PTPN1: variants seen among roughly 807,000 people sequenced by gnomAD.
The protein encoded by PTPN1 is tyrosine-protein phosphatase non-receptor type 1.
In PTPN1, 12 loss-of-function variants were observed where a neutral mutation model predicts 59.9. The observed-to-expected ratio is 0.20, with a 90% CI of 0.13 to 0.32. The LOEUF is 0.32. PTPN1 is among the 10% of genes least tolerant of loss of function. The pLI is 1.00. For synonymous variants in PTPN1, 178 were observed against 203.6 expected (o/e 0.87, Z 1.07); for missense variants, 356 against 549.2 (o/e 0.65, Z 3.52).
At chr20:50,574,425 TATC>T (rs2082826041) in intron 4 of PTPN1, 89 bp from the exon 5 acceptor site, 2 of 1,309,180 alleles carry the variant, frequency 1.5e-6, no homozygotes, top group Non-Finnish European at 2.1e-6. Context: ...GCCTTTGAGT[TATC>T]ATGAAGCTTG....
At chr20:50,570,362 T>C (rs1003340380) in intron 4 of PTPN1, among the ~76,000 whole-genome samples, 3 of 152,192 alleles carry the variant, frequency 2.0e-5, no homozygotes, top group Non-Finnish European at 1.5e-5. Flanking sequence ...TTTTAAAAAA[T>C]GAAAGTGTTT....
At chr20:50,581,934 A>G (rs956368090) in intron 9 of PTPN1, among the ~76,000 whole-genome samples, 9 of 152,206 alleles carry the variant, frequency 5.9e-5, no homozygotes, top group African/African-American at 2.2e-4. Context: ...TTGATTTCCC[A>G]GGGAAGGAAT....
At chr20:50,523,338 G>A (rs887611871) in intron 1 of PTPN1, among the ~76,000 whole-genome samples, 18 of 152,064 alleles carry the variant, frequency 1.2e-4, no homozygotes, top group Non-Finnish European at 2.5e-4. Flanking sequence ...TAGAACATTC[G>A]GAGAATGCTC....
At chr20:50,537,907 T>C (rs977792549) in intron 1 of PTPN1, among the ~76,000 whole-genome samples, 1 of 152,180 alleles carries the variant, frequency 6.6e-6, no homozygotes, top group Non-Finnish European at 1.5e-5. Flanking sequence ...AAATGGCCCG[T>C]AATTTAAGCA....
At chr20:50,564,937 G>A in intron 2 of PTPN1, 32 bp from the exon 3 acceptor site, 1 of 1,611,982 alleles carries the variant, frequency 6.2e-7, no homozygotes, top group Middle Eastern at 1.7e-4. Flanking sequence ...GCTTTTCCGG[G>A]ATTAACCTCT....
chr20:50,541,462 C>T (rs2082651917), intron 1 of PTPN1, among the ~76,000 whole-genome samples: 2 of 152,126 alleles, frequency 1.3e-5, no homozygotes, highest in South Asian at 2.1e-4. Context: ...TTGAGATGTA[C>T]GGGACAGCTC....
intron 4 of PTPN1, chr20:50,572,168 G>A (rs1329552076): frequency 6.6e-6 from 1 of 152,224 alleles, no homozygotes; most frequent in African/African-American, 2.4e-5. Context: ...AACTATGAGA[G>A]ATGCTAGCAT....
In PTPN1 at chr20:50,510,384, T is replaced by G. The variant is rs913710692; in HGVS notation, c.-144T>G. The G allele has an allele frequency of 7.7e-5, 65 of 839,588 alleles. No homozygotes were observed. The highest frequency in any genetic ancestry group is 1.4e-4 in the African/African-American group (8 of 56,222). 52.0% of individuals were successfully genotyped at this position (839,588 alleles called of 1,614,324 possible). On this transcript the variant is annotated 5_prime_UTR_variant, in exon 1 of 10. It removes an upstream start codon present in the reference 5' UTR. Coordinates refer to ENST00000371621, the MANE Select transcript of PTPN1 (RefSeq NM_002827.4). ...GCGTAGTTCCGGCTGCCGGTTGACA[T>G]GAAGAAGCAGCAGCGGCTAGGGCGG... is the stretch of plus-strand genomic sequence containing the variant.
intron 1 of PTPN1, among the ~76,000 whole-genome samples, chr20:50,544,453 G>A (rs539117620): frequency 2.6e-5 from 4 of 152,290 alleles, no homozygotes; most frequent in African/African-American, 7.2e-5. Context: ...ATTGCGCCCT[G>A]CCTGATTTTT....
chr20:50,579,258 G>A lies in PTPN1; in HGVS notation c.793G>A (p.Asp265Asn), dbSNP rs763558512. The A allele has an allele frequency of 9.9e-6, 16 of 1,614,086 alleles. No homozygotes were observed. Among genetic ancestry groups the A allele is most frequent in the Non-Finnish European group, 1.0e-5 (12 of 1,180,040 alleles). The change falls in exon 7 of 10, where the codon GAC becomes AAC. Residue 265 changes from aspartate (D) to asparagine (N), a missense_variant. By Grantham distance (23) the Asp-to-Asn change is conservative (BLOSUM62 1). This residue lies in a region of PTPN1 where 194 missense variants were observed against 344.2 expected (regional missense o/e 0.56). Transcript: ENST00000371621. ...TCGGATGGGGCTGATCCAGACAGCC[G>A]ACCAGCTGCGCTTCTCCTACCTGGC... is the stretch of plus-strand genomic sequence containing the variant. Reference protein sequence around the residue: ...KFRMGLIQTADQLRFSYLAVI... With the variant: ...KFRMGLIQTANQLRFSYLAVI...
At chr20:50,533,597 C>G (rs1010246196) in intron 1 of PTPN1, among the ~76,000 whole-genome samples, 1 of 152,088 alleles carries the variant, frequency 6.6e-6, no homozygotes, top group East Asian at 1.9e-4. Context: ...GCTGGCTCGT[C>G]GAGAGCTGGA....
In PTPN1 at chr20:50,510,393, A is replaced by T. The variant is rs750979084; in HGVS notation, c.-135A>T. The T allele has an allele frequency of 1.1e-6, 1 of 913,514 alleles. No individual in the cohort carries two copies. The highest frequency in any genetic ancestry group is 1.6e-6 in the Non-Finnish European group (1 of 607,906). The allele number at this position is 913,514 out of a possible 1,614,324, so 56.6% of individuals were successfully genotyped here. A position where few individuals can be genotyped will look rare whatever the true frequency, so the allele number is the denominator to read the frequency against. On this transcript the variant is annotated 5_prime_UTR_variant, in exon 1 of 10. Coordinates refer to ENST00000371621, the MANE Select transcript of PTPN1 (RefSeq NM_002827.4). ...CGGCTGCCGGTTGACATGAAGAAGC[A>T]GCAGCGGCTAGGGCGGCGGTAGCTG...
At chr20:50,550,236 AAGAACCAG>A (rs2082696369) in intron 1 of PTPN1, among the ~76,000 whole-genome samples, 1 of 152,212 alleles carries the variant, frequency 6.6e-6, no homozygotes. Context: ...AGCTTCCCTG[AAGAACCAG>A]GTAACAACCC....
chr20:50,533,272 T>G (rs1218510767), intron 1 of PTPN1, among the ~76,000 whole-genome samples: 2 of 152,206 alleles, frequency 1.3e-5, no homozygotes, highest in Non-Finnish European at 2.9e-5. Flanking sequence ...TATATCATGT[T>G]GCAGAAAATA....
At chr20:50,554,426 C>T (rs908518338) in intron 1 of PTPN1, among the ~76,000 whole-genome samples, 1 of 134,180 alleles carries the variant, frequency 7.5e-6, no homozygotes, top group Non-Finnish European at 1.6e-5. Flanking sequence ...AGTGAAATAA[C>T]GACTTATTTG....
intron 1 of PTPN1, among the ~76,000 whole-genome samples, chr20:50,518,875 A>G (rs1283880244): frequency 6.6e-6 from 1 of 152,238 alleles, no homozygotes; most frequent in Non-Finnish European, 1.5e-5. Flanking sequence ...AGCAGTCCCC[A>G]GAATACAACC....
rs540190263 is a variant in PTPN1 at position 50,582,607 on chromosome 20, G to A, written c.1285-85G>A. 16 of 1,423,758 alleles carry A rather than the reference G, an allele frequency of 1.1e-5. No individual in the cohort carries two copies. Among genetic ancestry groups the A allele is most frequent in the Middle Eastern group, 1.8e-4 (1 of 5,676 alleles). The allele number at this position is 1,423,758 out of a possible 1,614,324, so 88.2% of individuals were successfully genotyped here. A position where few individuals can be genotyped will look rare whatever the true frequency, so the allele number is the denominator to read the frequency against. On this transcript the variant is annotated intron_variant, in intron 9 of 9. Transcript: ENST00000371621. This position sits in a 1 kb window ranked among gnomAD's most constrained non-coding sequence, Gnocchi z 4.2. ...TGCTCCCTCGGAGGTTGAAGTTGCC[G>A]GGGGGTGTGGCCGGGGTCATGCATG...
chr20:50,565,900 C>T (rs1374728154), intron 3 of PTPN1, among the ~76,000 whole-genome samples: 1 of 152,212 alleles, frequency 6.6e-6, no homozygotes, highest in African/African-American at 2.4e-5. Context: ...ACAGAATGCT[C>T]TATGAAGAAA....
intron 5 of PTPN1, chr20:50,578,028 C>CTTGTTCACT (rs1460680104): frequency 2.4e-5 from 4 of 168,440 alleles, no homozygotes; most frequent in African/African-American, 9.6e-5. Context: ...CCTGCTGTTC[C>CTTGTTCACT]TTGTTCACTT....
Sources: allele counts gnomAD v4.1 joint callset (sites outside exome capture counted in the v4.1 genomes callset), GRCh38; gene constraint gnomAD v4.1.1; regional missense constraint gnomAD v4.1.1; non-coding constraint Gnocchi (gnomAD v3.1); transcripts MANE v1.5; gene names NCBI Gene and HGNC (gene_info 2026-07-23, HGNC 2026-07-21).